AAK1: variants seen among roughly 807,000 people sequenced by gnomAD.
AAK1 encodes AP2-associated protein kinase 1.
AAK1 carries 37 observed loss-of-function variants against 116.0 expected under a neutral mutation model. The ratio of observed to expected loss-of-function variants is 0.32; its 90% CI spans 0.25 to 0.42. The LOEUF is 0.42. Ranked by LOEUF, AAK1 falls within the 10% of genes least tolerant of loss-of-function variation. The probability of loss-of-function intolerance (pLI) is 1.00; values close to 1 mark genes in which losing one functional copy is unlikely to be tolerated. For synonymous variants in AAK1, 458 were observed against 439.9 expected (o/e 1.04, Z -0.51); for missense variants, 919 against 1,170.6 (o/e 0.79, Z 3.14).
chr2:69,499,734 C>T (rs1017990377), intron 16 of AAK1: 1 of 151,928 alleles, frequency 6.6e-6, no homozygotes, highest in Non-Finnish European at 1.5e-5. Context: ...CACAATGAAA[C>T]ATATTTAAAA....
intron 12 of AAK1, among the ~76,000 whole-genome samples, chr2:69,515,795 G>T (rs1676557990): frequency 6.6e-6 from 1 of 151,712 alleles, no homozygotes; most frequent in Non-Finnish European, 1.5e-5. Context: ...GATACTGTTT[G>T]TCTACTGGGG....
intron 2 of AAK1, among the ~76,000 whole-genome samples, chr2:69,614,351 G>C (rs1200283744): frequency 6.6e-6 from 1 of 152,152 alleles, no homozygotes; most frequent in Non-Finnish European, 1.5e-5. Flanking sequence ...AGGGACAGGT[G>C]TAACAGCTGG....
chr2:69,478,886 C>T, intron 20 of AAK1, 65 bp downstream of exon 20: 1 of 1,360,008 alleles, frequency 7.4e-7, no homozygotes, highest in Non-Finnish European at 1.0e-6. Context: ...GAAAAACTTT[C>T]AAAAGTTGTT....
At chr2:69,520,148 C>A in intron 11 of AAK1, 1 of 229,886 alleles carries the variant, frequency 4.3e-6, no homozygotes, top group Non-Finnish European at 9.2e-6. Context: ...AGGGAAGCTG[C>A]CCTGGACTGA....
chr2:69,481,214 G>A (rs990827234), intron 18 of AAK1: 3 of 320,996 alleles, frequency 9.3e-6, no homozygotes, highest in African/African-American at 4.4e-5. Context: ...CAGGCAAGGT[G>A]GAAAGAAAAA....
chr2:69,567,610 C>T (rs745389489), intron 2 of AAK1, among the ~76,000 whole-genome samples: 1 of 152,124 alleles, frequency 6.6e-6, no homozygotes, highest in South Asian at 2.1e-4. Context: ...CAACAAAAAC[C>T]CTTACCAGAC....
At chr2:69,615,240 G>C (rs1189973201) in intron 2 of AAK1, among the ~76,000 whole-genome samples, 1 of 152,130 alleles carries the variant, frequency 6.6e-6, no homozygotes, top group East Asian at 1.9e-4. Context: ...CCACTTCTCG[G>C]GACTTCGCAG....
chr2:69,500,736 C>G, intron 16 of AAK1, among the ~76,000 whole-genome samples: 1 of 132,046 alleles, frequency 7.6e-6, no homozygotes, highest in South Asian at 2.5e-4. Flanking sequence ...CACACACAAC[C>G]ATTTGCAGCC....
intron 5 of AAK1, among the ~76,000 whole-genome samples, chr2:69,536,856 C>A (rs1670495751): frequency 6.6e-6 from 1 of 152,186 alleles, no homozygotes; most frequent in Non-Finnish European, 1.5e-5. Context: ...GGTTTTCAAA[C>A]CTGTGTTTCT....
chr2:69,524,458 G>A (rs1460321605), intron 10 of AAK1, among the ~76,000 whole-genome samples: 1 of 151,528 alleles, frequency 6.6e-6, no homozygotes, highest in Non-Finnish European at 1.5e-5. Context: ...TTTTTGAGAT[G>A]GAGTCTTGCT....
intron 3 of AAK1, among the ~76,000 whole-genome samples, chr2:69,551,843 A>G (rs756278029): frequency 6.6e-6 from 1 of 152,266 alleles, no homozygotes; most frequent in Non-Finnish European, 1.5e-5. Context: ...ACTCCAGTAC[A>G]TGGTGGACAG....
chr2:69,609,635 G>C (rs544516552), intron 2 of AAK1, among the ~76,000 whole-genome samples: 1 of 152,116 alleles, frequency 6.6e-6, no homozygotes, highest in East Asian at 1.9e-4. Flanking sequence ...TTGCACCCCA[G>C]CCTGGGTGAC....
intron 2 of AAK1, among the ~76,000 whole-genome samples, chr2:69,639,044 C>T (rs1457104875): frequency 6.6e-6 from 1 of 152,168 alleles, no homozygotes; most frequent in Non-Finnish European, 1.5e-5. Flanking sequence ...TTAAGCCTTA[C>T]TAGTTTGCTC....
intron 16 of AAK1, 27 bp from the exon 17 acceptor site, chr2:69,496,107 G>A (rs751773161): frequency 1.3e-6 from 2 of 1,509,328 alleles, no homozygotes; most frequent in Middle Eastern, 1.7e-4. Flanking sequence ...GGGGAAGGAG[G>A]AGTCAGGAGA....
Position 69,486,730 on chromosome 2 carries a change from T to C in AAK1, c.2366-3918A>G, listed in dbSNP as rs575231274. Among the ~76,000 whole-genome samples, 31 of 152,302 alleles carry C rather than the reference T, an allele frequency of 2.0e-4. 1 individual carries two copies. The South Asian group carries it at 2.3e-3, about 11-fold the overall frequency. On this transcript the variant is annotated intron_variant, in intron 17 of 21. Transcript: ENST00000409085. ...AAACCCCTGGGTTTGGGAATACTAA[T>C]ACAGTTTAAAAGAATGAAGATCAGA...
At chr2:69,534,362 T>C (rs1195675961) in intron 5 of AAK1, among the ~76,000 whole-genome samples, 1 of 152,184 alleles carries the variant, frequency 6.6e-6, no homozygotes, top group Non-Finnish European at 1.5e-5. Context: ...CCATCCTTAC[T>C]TCCAACTATA....
chr2:69,518,265 A>C (rs919729246), intron 12 of AAK1, among the ~76,000 whole-genome samples: 1 of 152,194 alleles, frequency 6.6e-6, no homozygotes, highest in African/African-American at 2.4e-5. Context: ...AAACAAGCCA[A>C]CTTAATTATG....
intron 2 of AAK1, among the ~76,000 whole-genome samples, chr2:69,621,726 T>C (rs1674637534): frequency 6.6e-6 from 1 of 152,180 alleles, no homozygotes; most frequent in Non-Finnish European, 1.5e-5. Context: ...CTCCTCTCAT[T>C]AAACCTGTAT....
At chr2:69,626,154 G>A (rs749860326) in intron 2 of AAK1, among the ~76,000 whole-genome samples, 3 of 152,034 alleles carry the variant, frequency 2.0e-5, no homozygotes, top group Non-Finnish European at 4.4e-5. Context: ...TGATACCCCA[G>A]TACTGTATTT....
Sources: allele counts gnomAD v4.1 joint callset (sites outside exome capture counted in the v4.1 genomes callset), GRCh38; gene constraint gnomAD v4.1.1; transcripts MANE v1.5; gene names NCBI Gene and HGNC (gene_info 2026-07-23, HGNC 2026-07-21).